The following PTPRM variants were observed in gnomAD, a reference collection of about 807,000 sequenced individuals.
The protein encoded by PTPRM is receptor-type tyrosine-protein phosphatase mu.
PTPRM carries 47 observed loss-of-function variants against 186.7 expected under a neutral mutation model. The ratio of observed to expected loss-of-function variants is 0.25; its 90% CI spans 0.20 to 0.32. The LOEUF is 0.32. PTPRM is among the 10% of genes least tolerant of loss of function. The pLI is 1.00. For synonymous variants in PTPRM, 668 were observed against 674.9 expected (o/e 0.99, Z 0.16); for missense variants, 1,494 against 1,865.0 (o/e 0.80, Z 3.66).
intron 1 of PTPRM, among the ~76,000 whole-genome samples, chr18:7,633,917 A>G (rs2038251348): frequency 6.6e-6 from 1 of 151,922 alleles, no homozygotes; most frequent in Admixed American, 6.6e-5. Context: ...TCCCCTTTTC[A>G]GCATTGCCCC....
chr18:7,606,510 A>AT (rs948831323), intron 1 of PTPRM, among the ~76,000 whole-genome samples: 5 of 151,070 alleles, frequency 3.3e-5, no homozygotes, highest in South Asian at 2.1e-4. Context: ...ATCATTTTTG[A>AT]TTTTTTTTTC....
chr18:7,917,841 CT>C (rs2050650325), intron 4 of PTPRM, among the ~76,000 whole-genome samples: 1 of 152,172 alleles, frequency 6.6e-6, no homozygotes, highest in South Asian at 2.1e-4. Flanking sequence ...CCCACTCCCC[CT>C]ATCCATCCCA....
In PTPRM at chr18:7,808,432, G is replaced by A. The variant is rs539816651; in HGVS notation, c.196+34161G>A. Among the ~76,000 whole-genome samples, 249 of 152,258 alleles carry A rather than the reference G, an allele frequency of 1.6e-3. 2 individuals carry two copies. Among genetic ancestry groups the A allele is most frequent in the African/African-American group, 5.8e-3 (239 of 41,554 alleles). ...GTGAGATTCCACCCAGTAATTTCTG[G>A]GATGAAATCTGTGTCTTCTTAATTT... On this transcript the variant is annotated intron_variant, in intron 2 of 32. Coordinates refer to ENST00000580170, the MANE Select transcript of PTPRM (RefSeq NM_001105244.2).
intron 1 of PTPRM, 74 bp from the exon 2 acceptor site, chr18:7,774,075 T>G: frequency 6.8e-7 from 1 of 1,464,476 alleles, no homozygotes; most frequent in South Asian, 1.2e-5. Context: ...AGTCTAAGGC[T>G]TCCTGCAATC....
chr18:8,340,187 G>A (rs988411271), intron 22 of PTPRM, among the ~76,000 whole-genome samples: 1 of 152,176 alleles, frequency 6.6e-6, no homozygotes, highest in African/African-American at 2.4e-5. Flanking sequence ...CTGCAGGAGA[G>A]CGGAGACAGG....
At chr18:7,786,032 A>G (rs572744043) in intron 2 of PTPRM, among the ~76,000 whole-genome samples, 6 of 152,242 alleles carry the variant, frequency 3.9e-5, no homozygotes, top group Non-Finnish European at 7.3e-5. Context: ...GAATACAGAA[A>G]AAATCATACA....
intron 1 of PTPRM, among the ~76,000 whole-genome samples, chr18:7,750,275 T>TA (rs895942612): frequency 3.3e-5 from 5 of 152,012 alleles, no homozygotes; most frequent in Non-Finnish European, 5.9e-5. Context: ...TCATTTGTTT[T>TA]AAAAAAAAGA....
chr18:8,281,277 T>A (rs9947995), intron 19 of PTPRM, among the ~76,000 whole-genome samples: 46,088 of 152,122 alleles, frequency 0.3, 7,541 homozygotes, highest in Middle Eastern at 0.38. Flanking sequence ...TATCGCTACA[T>A]CCTTGGGTTC....
chr18:7,685,540 G>T lies in PTPRM; in HGVS notation c.74-88609G>T, dbSNP rs375672576. ...TCATTGCTTATTTTATTGTGAGAAG[G>T]AGTCTATGGAACTGGGTCACTGGAA... On this transcript the variant is annotated intron_variant, in intron 1 of 32. Transcript: ENST00000580170. 2.6e-5 allele frequency among the ~76,000 whole-genome samples: 4 copies of T among 152,266 alleles called. No homozygotes were observed. In the East Asian group the frequency reaches 7.7e-4, roughly 29 times the overall value.
At chr18:8,229,333 C>T (rs1046695528) in intron 14 of PTPRM, among the ~76,000 whole-genome samples, 4 of 151,976 alleles carry the variant, frequency 2.6e-5, no homozygotes, top group Middle Eastern at 3.2e-3. Flanking sequence ...CTTCCAAGTA[C>T]GTAAGGATAA....
intron 1 of PTPRM, among the ~76,000 whole-genome samples, chr18:7,608,681 C>G (rs2037596471): frequency 6.6e-6 from 1 of 152,110 alleles, no homozygotes; most frequent in Non-Finnish European, 1.5e-5. Context: ...TCATGAAGGG[C>G]CTGCTCCCAT....
chr18:7,584,993 A>C (rs746574310), intron 1 of PTPRM, among the ~76,000 whole-genome samples: 1 of 152,222 alleles, frequency 6.6e-6, no homozygotes, highest in Non-Finnish European at 1.5e-5. Flanking sequence ...TTCTCAACTG[A>C]CATAGACAGC....
intron 3 of PTPRM, among the ~76,000 whole-genome samples, chr18:7,888,932 A>G (rs954289620): frequency 6.6e-6 from 1 of 152,216 alleles, no homozygotes. Flanking sequence ...GCACATGGAC[A>G]TAAAGATGGG....
At chr18:7,640,775 A>C (rs1294973917) in intron 1 of PTPRM, among the ~76,000 whole-genome samples, 2 of 152,136 alleles carry the variant, frequency 1.3e-5, no homozygotes, top group Non-Finnish European at 2.9e-5. Flanking sequence ...CAAAACCTTA[A>C]TATGTAGTAG....
At chr18:7,669,069 A>G (rs982499433) in intron 1 of PTPRM, among the ~76,000 whole-genome samples, 2 of 152,020 alleles carry the variant, frequency 1.3e-5, no homozygotes, top group Admixed American at 6.5e-5. Flanking sequence ...AGGGTCTGTT[A>G]GAGAGTGCTG....
At chr18:7,925,697 T>C (rs997993562) in intron 4 of PTPRM, among the ~76,000 whole-genome samples, 12 of 152,184 alleles carry the variant, frequency 7.9e-5, no homozygotes, top group African/African-American at 2.9e-4. Context: ...GGAAGCACTC[T>C]GCTGTGCCCA....
At chr18:7,808,327 G>A (rs1292013047) in intron 2 of PTPRM, among the ~76,000 whole-genome samples, 1 of 152,106 alleles carries the variant, frequency 6.6e-6, no homozygotes, top group South Asian at 2.1e-4. Context: ...TGGGGGTGCT[G>A]GTCTAGGAGG....
At chr18:7,571,526 A>G (rs1023049969) in intron 1 of PTPRM, among the ~76,000 whole-genome samples, 2 of 152,158 alleles carry the variant, frequency 1.3e-5, no homozygotes, top group African/African-American at 4.8e-5. Context: ...CTACCTTATA[A>G]TGGTTTTGAT....
intron 23 of PTPRM, among the ~76,000 whole-genome samples, chr18:8,370,285 T>C (rs1396789024): frequency 6.6e-6 from 1 of 152,150 alleles, no homozygotes; most frequent in Non-Finnish European, 1.5e-5. Flanking sequence ...CAAATGCCCC[T>C]TGCATGCAAA....
Sources: gnomAD v4.1 joint callset for allele counts (sites outside exome capture counted in the v4.1 genomes callset) on GRCh38, gnomAD v4.1.1 for gene constraint, MANE v1.5 for transcripts, NCBI Gene and HGNC (gene_info 2026-07-23, HGNC 2026-07-21) for gene names.